Variants in ZMYND11 observed in about 807,000 individuals in gnomAD.
ZMYND11 encodes the protein zinc finger MYND domain-containing protein 11.
In ZMYND11, 9 loss-of-function variants were observed where a neutral mutation model predicts 84.9. The observed-to-expected ratio is 0.11, with a 90% CI of 0.06 to 0.18. The LOEUF (loss-of-function observed/expected upper bound fraction) is 0.18. ZMYND11 is among the 10% of genes least tolerant of loss of function. The pLI is 1.00. For synonymous variants in ZMYND11, 250 were observed against 244.1 expected (o/e 1.02, Z -0.23); for missense variants, 409 against 761.0 (o/e 0.54, Z 5.44).
At chr10:229,224 T>A (rs1429349139) in intron 4 of ZMYND11, among the ~76,000 whole-genome samples, 1 of 152,220 alleles carries the variant, frequency 6.6e-6, no homozygotes, top group South Asian at 2.1e-4. Context: ...TAAATGTGGA[T>A]GAACAATTCT....
chr10:193,129 T>TATTC (rs1044742212), intron 2 of ZMYND11, among the ~76,000 whole-genome samples: 6 of 152,236 alleles, frequency 3.9e-5, no homozygotes, highest in African/African-American at 1.2e-4. Context: ...GGCCACAGAA[T>TATTC]ATTCCCTACA....
At chr10:147,222 A>G (rs1262212104) in intron 1 of ZMYND11, among the ~76,000 whole-genome samples, 1 of 152,124 alleles carries the variant, frequency 6.6e-6, no homozygotes, top group Non-Finnish European at 1.5e-5. Context: ...TCTCTTTTCC[A>G]ATTTGGATGC....
At chr10:210,162 T>G (rs757476974) in intron 3 of ZMYND11, 114 bp downstream of exon 3, 26 of 1,188,154 alleles carry the variant, frequency 2.2e-5, no homozygotes, top group Non-Finnish European at 2.7e-5. Context: ...ATTTTAACAT[T>G]TGTATCAACA....
At chr10:168,787 T>TA (rs1844608372) in intron 1 of ZMYND11, among the ~76,000 whole-genome samples, 2 of 152,106 alleles carry the variant, frequency 1.3e-5, no homozygotes, top group Non-Finnish European at 2.9e-5. Context: ...AATCACAACT[T>TA]ACCGGAACAC....
intron 1 of ZMYND11, among the ~76,000 whole-genome samples, chr10:172,171 C>T (rs544743260): frequency 5.9e-5 from 9 of 152,272 alleles, no homozygotes; most frequent in African/African-American, 1.9e-4. Context: ...AAAGTCTTCA[C>T]CTCGTAATGC....
At chr10:248,056 CTT>C (rs1469511137) in intron 12 of ZMYND11, among the ~76,000 whole-genome samples, 2 of 152,018 alleles carry the variant, frequency 1.3e-5, no homozygotes, top group East Asian at 1.9e-4. Context: ...AAAAACAAAA[CTT>C]ATAGTATTGA....
intron 1 of ZMYND11, among the ~76,000 whole-genome samples, chr10:167,171 A>G (rs1351447667): frequency 6.6e-6 from 1 of 152,158 alleles, no homozygotes; most frequent in African/African-American, 2.4e-5. Context: ...GATGGTTGCA[A>G]AACACTGGGA....
intron 4 of ZMYND11, among the ~76,000 whole-genome samples, chr10:230,276 A>G (rs1948781073): frequency 6.6e-6 from 1 of 151,910 alleles, no homozygotes; most frequent in South Asian, 2.1e-4. Flanking sequence ...AGTTCAAGAC[A>G]ATCCTGGCCA....
At chr10:245,496 A>G (rs1951938437) in intron 10 of ZMYND11, among the ~76,000 whole-genome samples, 2 of 152,194 alleles carry the variant, frequency 1.3e-5, no homozygotes. Flanking sequence ...ATAGCAGGAA[A>G]AAATCTTTAA....
At chr10:234,881 G>C (rs1949668528) in intron 4 of ZMYND11, among the ~76,000 whole-genome samples, 1 of 152,176 alleles carries the variant, frequency 6.6e-6, no homozygotes. Flanking sequence ...GATCCAGGGA[G>C]AGCGCCTTCT....
chr10:176,398 CAA>C (rs1846631402), intron 1 of ZMYND11, among the ~76,000 whole-genome samples: 1 of 151,986 alleles, frequency 6.6e-6, no homozygotes, highest in Admixed American at 6.5e-5. Flanking sequence ...ATGATCTCTA[CAA>C]AGAGTCTTCT....
At chr10:249,121 T>C (rs1218514859) in intron 14 of ZMYND11, 33 bp downstream of exon 14, 1 of 1,613,414 alleles carries the variant, frequency 6.2e-7, no homozygotes, top group East Asian at 2.2e-5. Flanking sequence ...CCCTTATTTC[T>C]GAAAATGTAC....
chr10:250,672 T>C (rs745422659), intron 14 of ZMYND11, among the ~76,000 whole-genome samples: 2 of 152,230 alleles, frequency 1.3e-5, no homozygotes, highest in Non-Finnish European at 2.9e-5. Context: ...TGAGATTAAA[T>C]AGAATGATTA....
chr10:184,694 C>CA (rs1231782569), intron 2 of ZMYND11, among the ~76,000 whole-genome samples: 1 of 152,156 alleles, frequency 6.6e-6, no homozygotes, highest in African/African-American at 2.4e-5. Flanking sequence ...ATCAGGGTGT[C>CA]ATTCTGCTGC....
At chr10:207,809 A>G (rs1247525577) in intron 2 of ZMYND11, among the ~76,000 whole-genome samples, 2 of 152,208 alleles carry the variant, frequency 1.3e-5, no homozygotes, top group African/African-American at 4.8e-5. Flanking sequence ...TAAAGTTCAT[A>G]TGGAACCAAA....
chr10:249,748 G>C (rs984808100), intron 14 of ZMYND11: 27 of 985,084 alleles, frequency 2.7e-5, no homozygotes, highest in Middle Eastern at 1.0e-3. Flanking sequence ...CTCATAACTT[G>C]GTTTCAGTTT....
intron 2 of ZMYND11, among the ~76,000 whole-genome samples, chr10:208,016 T>C (rs1263495593): frequency 6.6e-6 from 1 of 152,136 alleles, no homozygotes; most frequent in Non-Finnish European, 1.5e-5. Context: ...ATCTGATCTT[T>C]GACAAACCTG....
intron 2 of ZMYND11, among the ~76,000 whole-genome samples, chr10:187,557 C>G (rs777272351): frequency 1.3e-5 from 2 of 151,722 alleles, no homozygotes; most frequent in Non-Finnish European, 2.9e-5. Flanking sequence ...TGGGGTGAAC[C>G]CGGGAGGCGG....
At chr10:154,688 T>C (rs912217119) in intron 1 of ZMYND11, 1 of 152,240 alleles carries the variant, frequency 6.6e-6, no homozygotes, top group Non-Finnish European at 1.5e-5. Context: ...GTAAAATAGC[T>C]ACAGCTTTTC....
Sources: allele counts gnomAD v4.1 joint callset (sites outside exome capture counted in the v4.1 genomes callset), GRCh38; gene constraint gnomAD v4.1.1; transcripts MANE v1.5; gene names NCBI Gene and HGNC (gene_info 2026-07-23, HGNC 2026-07-21).